The following CACNA2D1 variants were observed in gnomAD, a reference collection of about 807,000 sequenced individuals.
CACNA2D1 encodes the protein voltage-dependent calcium channel subunit alpha-2/delta-1.
A neutral mutation model predicts 171.5 loss-of-function variants in CACNA2D1; 53 were observed. The ratio of observed to expected loss-of-function variants is 0.31; its 90% CI spans 0.25 to 0.39. The LOEUF (loss-of-function observed/expected upper bound fraction) is 0.39, where lower values mean the gene tolerates loss of function less well. Ranked by LOEUF, CACNA2D1 falls within the 10% of genes least tolerant of loss-of-function variation. The pLI, the probability that CACNA2D1 is intolerant of heterozygous loss-of-function variation, is 1.00. For synonymous variants in CACNA2D1, 442 were observed against 443.1 expected, an observed-to-expected ratio of 1.00 and a Z score of 0.03; for missense variants, 903 against 1,299.8, an observed-to-expected ratio of 0.69 and a Z score of 4.69.
chr7:82,033,897 A>G (rs1803004877), intron 11 of CACNA2D1, among the ~76,000 whole-genome samples: 1 of 152,154 alleles, frequency 6.6e-6, no homozygotes, highest in Admixed American at 6.6e-5. Flanking sequence ...ATGAATGCTC[A>G]GCTTCTTTGA....
intron 14 of CACNA2D1, 101 bp downstream of exon 14, chr7:82,013,360 C>A: frequency 5.2e-6 from 2 of 382,920 alleles, no homozygotes; most frequent in South Asian, 5.5e-5. Context: ...TATTATAGAT[C>A]TTTTCATTCT....
chr7:82,343,719 T>C (rs1407242905), intron 2 of CACNA2D1, among the ~76,000 whole-genome samples: 3 of 152,194 alleles, frequency 2.0e-5, no homozygotes, highest in Non-Finnish European at 4.4e-5. Context: ...TGAAGCTATA[T>C]ATAAATTTGA....
At chr7:81,972,354 T>A (rs992517972) in intron 25 of CACNA2D1, among the ~76,000 whole-genome samples, 1 of 151,828 alleles carries the variant, frequency 6.6e-6, no homozygotes, top group African/African-American at 2.4e-5. Flanking sequence ...TCATTTGTTA[T>A]AAGAAAAGCT....
chr7:82,427,567 T>G (rs1271436388), intron 1 of CACNA2D1, among the ~76,000 whole-genome samples: 2 of 152,172 alleles, frequency 1.3e-5, no homozygotes, highest in African/African-American at 4.8e-5. Context: ...CAGAGTATAT[T>G]TGTTCAGTGC....
rs138194571 is a variant in CACNA2D1 at position 82,144,105 on chromosome 7, C to T, written c.355-7429G>A. On this transcript the variant is annotated intron_variant, in intron 4 of 38. Transcript: ENST00000356860. ...GGTGTAATAGGTCTAGGAGTAGTTA[C>T]GGTCATAAAAGCTGAGCTGGTTACA... is the stretch of plus-strand genomic sequence containing the variant. Among the ~76,000 whole-genome samples, 31 of 152,082 alleles carry T rather than the reference C, an allele frequency of 2.0e-4. No individual in the cohort carries two copies. The East Asian group carries it at 4.6e-3, about 23-fold the overall frequency.
chr7:82,066,551 T>C, intron 7 of CACNA2D1, 27 bp from the exon 8 acceptor site: 1 of 1,568,758 alleles, frequency 6.4e-7, no homozygotes, highest in African/African-American at 1.4e-5. Context: ...AAGAGAGATA[T>C]TAAATCAAAA....
intron 1 of CACNA2D1, among the ~76,000 whole-genome samples, chr7:82,421,080 T>C (rs1828675659): frequency 6.6e-6 from 1 of 152,214 alleles, no homozygotes. Flanking sequence ...TTCCTGACCA[T>C]GCTCAGCTTA....
At chr7:82,061,854 G>A (rs1345781162) in intron 9 of CACNA2D1, among the ~76,000 whole-genome samples, 2 of 152,120 alleles carry the variant, frequency 1.3e-5, no homozygotes, top group Non-Finnish European at 2.9e-5. Flanking sequence ...TTTTGGGTGG[G>A]GAGCACAGGA....
intron 4 of CACNA2D1, among the ~76,000 whole-genome samples, chr7:82,145,257 T>G (rs923988491): frequency 1.4e-5 from 2 of 144,270 alleles, no homozygotes; most frequent in African/African-American, 5.0e-5. Context: ...AATATATAAA[T>G]TATATAAAAT....
chr7:82,196,382 T>C (rs1798853981), intron 3 of CACNA2D1, among the ~76,000 whole-genome samples: 2 of 152,050 alleles, frequency 1.3e-5, no homozygotes, highest in Admixed American at 6.6e-5. Flanking sequence ...TGGGGGATGC[T>C]TGAAAAGGCA....
chr7:82,195,697 A>G (rs1362923117), intron 3 of CACNA2D1, among the ~76,000 whole-genome samples: 2 of 150,936 alleles, frequency 1.3e-5, no homozygotes, highest in Non-Finnish European at 3.0e-5. Flanking sequence ...CAAAATCTCT[A>G]CCAAATTGAA....
intron 4 of CACNA2D1, among the ~76,000 whole-genome samples, chr7:82,150,267 AAAC>A (rs1346770286): frequency 2.3e-5 from 2 of 85,592 alleles, no homozygotes; most frequent in African/African-American, 7.8e-5. Context: ...TAAAAAAAAA[AAAC>A]AAAAACAACA....
chr7:82,263,569 G>T (rs536925855), intron 3 of CACNA2D1, among the ~76,000 whole-genome samples: 1 of 151,994 alleles, frequency 6.6e-6, no homozygotes. Context: ...ATAAATGAAT[G>T]ACTTTTTAAA....
rs143971112 is a variant in CACNA2D1 at position 82,422,165 on chromosome 7, G to C, written c.95+21200C>G. Among the ~76,000 whole-genome samples the C allele has an allele frequency of 2.9e-3, 440 of 152,182 alleles. 3 individuals are homozygous for C. The highest frequency in any genetic ancestry group is 1.0e-2 in the African/African-American group (415 of 41,536). ...GTCATCTTGCCAAGATACATTAAAT[G>C]ATGTGCACATAAAATGTAATAATAA... On this transcript the variant is annotated intron_variant, in intron 1 of 38. Transcript: ENST00000356860.
At chr7:82,047,939 A>G (rs1209670357) in intron 10 of CACNA2D1, among the ~76,000 whole-genome samples, 3 of 152,148 alleles carry the variant, frequency 2.0e-5, no homozygotes, top group Non-Finnish European at 4.4e-5. Context: ...CAAAGACCTG[A>G]GCTGGGGGAA....
intron 10 of CACNA2D1, among the ~76,000 whole-genome samples, chr7:82,040,673 G>A (rs1029146306): frequency 1.3e-5 from 2 of 152,014 alleles, no homozygotes; most frequent in Non-Finnish European, 2.9e-5. Context: ...GGAAGATGGG[G>A]ACTTAAAACT....
intron 5 of CACNA2D1, among the ~76,000 whole-genome samples, chr7:82,127,859 C>T (rs1396030687): frequency 2.0e-5 from 3 of 152,122 alleles, no homozygotes; most frequent in African/African-American, 7.2e-5. Context: ...TCTATCCTTC[C>T]ATGAGAATCA....
intron 11 of CACNA2D1, chr7:82,033,142 C>T (rs1802916297): frequency 2.5e-6 from 1 of 394,676 alleles, no homozygotes; most frequent in African/African-American, 2.0e-5. Flanking sequence ...TCATACGCCA[C>T]TTTATCATGA....
chr7:82,202,925 G>A (rs968834711), intron 3 of CACNA2D1, among the ~76,000 whole-genome samples: 1 of 152,156 alleles, frequency 6.6e-6, no homozygotes, highest in Admixed American at 6.5e-5. Context: ...CAGGTTGACA[G>A]AGAGAAAATA....
Sources: gnomAD v4.1 joint callset for allele counts (sites outside exome capture counted in the v4.1 genomes callset) on GRCh38, gnomAD v4.1.1 for gene constraint, MANE v1.5 for transcripts, NCBI Gene and HGNC (gene_info 2026-07-23, HGNC 2026-07-21) for gene names.